SYT1: variants seen among roughly 807,000 people sequenced by gnomAD.
The protein encoded by SYT1 is synaptotagmin 1, also known as synaptotagmin-1.
In SYT1, 8 loss-of-function variants were observed where a neutral mutation model predicts 44.8. The observed-to-expected ratio is 0.18, with a 90% CI of 0.10 to 0.32. The LOEUF (loss-of-function observed/expected upper bound fraction) is 0.32. SYT1 is among the 10% of genes least tolerant of loss of function. The probability of loss-of-function intolerance (pLI) is 1.00; values close to 1 mark genes in which losing one functional copy is unlikely to be tolerated. For synonymous variants in SYT1, 154 were observed against 188.8 expected, an observed-to-expected ratio of 0.82 and a Z score of 1.51; for missense variants, 286 against 509.3, an observed-to-expected ratio of 0.56 and a Z score of 4.22.
intron 1 of SYT1, among the ~76,000 whole-genome samples, chr12:78,944,965 A>C (rs1421903914): frequency 6.6e-6 from 1 of 152,150 alleles, no homozygotes; most frequent in Non-Finnish European, 1.5e-5. Flanking sequence ...TTCCTTTGAA[A>C]TGTTGCAGAG....
At chr12:79,354,872 T>C (rs78204603) in intron 9 of SYT1, among the ~76,000 whole-genome samples, 1 of 152,326 alleles carries the variant, frequency 6.6e-6, no homozygotes, top group East Asian at 1.9e-4. Context: ...TTCCCTGTCC[T>C]TTGGTTCAAC....
intron 3 of SYT1, among the ~76,000 whole-genome samples, chr12:79,182,327 T>A (rs775654718): frequency 2.0e-5 from 3 of 152,184 alleles, no homozygotes; most frequent in Middle Eastern, 3.4e-3. Flanking sequence ...TTTGGGACAC[T>A]TTGGTGTCAT....
At chr12:79,260,253 G>T (rs1382635637) in intron 4 of SYT1, among the ~76,000 whole-genome samples, 2 of 152,116 alleles carry the variant, frequency 1.3e-5, no homozygotes, top group Admixed American at 6.6e-5. Flanking sequence ...TGTCAGAGAA[G>T]AAATTTTTAT....
chr12:78,937,511 C>T (rs11111956), intron 1 of SYT1, among the ~76,000 whole-genome samples: 14,112 of 151,444 alleles, frequency 0.093, 958 homozygotes, highest in East Asian at 0.31. Context: ...TTTTTTAGAC[C>T]GTAAACATGA....
chr12:79,337,342 C>T (rs1001156418), intron 8 of SYT1, among the ~76,000 whole-genome samples: 11 of 152,124 alleles, frequency 7.2e-5, no homozygotes, highest in African/African-American at 2.2e-4. Context: ...CTCCAAATTG[C>T]GTGGCCATTC....
intron 1 of SYT1, among the ~76,000 whole-genome samples, chr12:78,941,065 C>CTTTTTTT (rs398044555): frequency 2.8e-4 from 19 of 68,454 alleles, no homozygotes; most frequent in East Asian, 1.3e-3. Context: ...CTTTTTTTTT[C>CTTTTTTT]TTTTTTTTTT....
At position 79,179,007 on chromosome 12, in the gene SYT1, GATATAT is replaced by G. The variant is rs1491563800; in HGVS notation, c.-17-38494_-17-38489del. 2.0e-4 allele frequency among the ~76,000 whole-genome samples: 3 copies of G among 14,842 alleles called. 1 individual carries two copies. The highest frequency in any genetic ancestry group is 3.4e-4 in the Non-Finnish European group (3 of 8,744). The allele number at this position is 14,842 out of a possible 152,430, so 9.7% of individuals were successfully genotyped here. On this transcript the variant is annotated intron_variant, in intron 3 of 10. Coordinates refer to ENST00000261205, the MANE Select transcript of SYT1 (RefSeq NM_005639.3). ...ATATATCTATATAGATATAGATATA[GATATAT>G]AGATATAGATATAGATATATAGATA...
At chr12:79,313,566 C>T (rs576027892) in intron 8 of SYT1, among the ~76,000 whole-genome samples, 5 of 147,060 alleles carry the variant, frequency 3.4e-5, no homozygotes, top group Non-Finnish European at 7.4e-5. Context: ...AGGGTATTTC[C>T]GTAAGCATAG....
Position 78,943,503 on chromosome 12 carries a change from G to T in SYT1, c.-216-34296G>T, listed in dbSNP as rs145602924. 1.5e-3 allele frequency among the ~76,000 whole-genome samples: 233 copies of T among 152,198 alleles called. 3 individuals carry two copies. Among genetic ancestry groups the T allele is most frequent in the African/African-American group, 5.1e-3 (211 of 41,524 alleles). On this transcript the variant is annotated intron_variant, in intron 1 of 10. Transcript: ENST00000261205. Reference sequence around the variant, plus strand: ...TCACTAGCTTGAGGACAATACCAAGGACATGGTGCTAAACCATTCATAAGA... The same window carrying T: ...TCACTAGCTTGAGGACAATACCAAGTACATGGTGCTAAACCATTCATAAGA...
At chr12:78,971,837 C>T (rs543435352) in intron 1 of SYT1, among the ~76,000 whole-genome samples, 32 of 152,148 alleles carry the variant, frequency 2.1e-4, no homozygotes, top group African/African-American at 6.5e-4. Context: ...ACTACTAATA[C>T]GCTGTGAGAC....
At chr12:79,446,639 T>G (rs573268361) in intron 10 of SYT1, among the ~76,000 whole-genome samples, 3 of 152,324 alleles carry the variant, frequency 2.0e-5, no homozygotes, top group Non-Finnish European at 4.4e-5. Context: ...ACAACCTTTA[T>G]CATATAAATT....
chr12:79,169,345 CT>C (rs1435969031), intron 3 of SYT1, among the ~76,000 whole-genome samples: 2 of 150,372 alleles, frequency 1.3e-5, no homozygotes, highest in African/African-American at 4.8e-5. Context: ...ACATGCATGA[CT>C]TACAAAAGTA....
At chr12:79,134,010 A>G (rs1293086800) in intron 3 of SYT1, among the ~76,000 whole-genome samples, 1 of 152,176 alleles carries the variant, frequency 6.6e-6, no homozygotes, top group Non-Finnish European at 1.5e-5. Context: ...AGTGCTGGTC[A>G]TGTGGCAATT....
chr12:79,349,224 T>A (rs975545359), intron 8 of SYT1, among the ~76,000 whole-genome samples: 1 of 151,316 alleles, frequency 6.6e-6, no homozygotes, highest in African/African-American at 2.4e-5. Context: ...GAAGGAAGGA[T>A]CTAACTTGAG....
intron 3 of SYT1, among the ~76,000 whole-genome samples, chr12:79,168,389 T>C (rs1348151451): frequency 1.3e-5 from 2 of 152,044 alleles, no homozygotes; most frequent in Non-Finnish European, 2.9e-5. Context: ...AGTGAGAGTT[T>C]ATTAAGTGTC....
At chr12:79,399,419 A>G (rs1884994915) in intron 9 of SYT1, among the ~76,000 whole-genome samples, 1 of 152,012 alleles carries the variant, frequency 6.6e-6, no homozygotes, top group South Asian at 2.1e-4. Flanking sequence ...GTTATATTTA[A>G]TTTTCCTGTA....
intron 3 of SYT1, among the ~76,000 whole-genome samples, chr12:79,130,236 T>C (rs1036263538): frequency 1.2e-4 from 19 of 152,180 alleles, no homozygotes; most frequent in African/African-American, 4.1e-4. Flanking sequence ...TGAGACACTT[T>C]TGAGAGAGGA....
chr12:79,244,141 A>G (rs1266214397), intron 4 of SYT1, among the ~76,000 whole-genome samples: 1 of 152,240 alleles, frequency 6.6e-6, no homozygotes, highest in East Asian at 1.9e-4. Flanking sequence ...TACTGCATCG[A>G]AAGACTTCAT....
At chr12:79,322,169 G>A (rs1373572685) in intron 8 of SYT1, among the ~76,000 whole-genome samples, 2 of 152,054 alleles carry the variant, frequency 1.3e-5, no homozygotes, top group Non-Finnish European at 2.9e-5. Flanking sequence ...GAACGAAAAT[G>A]GTTCTTCCTA....
Sources: allele counts gnomAD v4.1 joint callset (sites outside exome capture counted in the v4.1 genomes callset), GRCh38; gene constraint gnomAD v4.1.1; transcripts MANE v1.5; gene names NCBI Gene and HGNC (gene_info 2026-07-23, HGNC 2026-07-21).